The following GPC3 variants were observed in gnomAD, a reference collection of about 807,000 sequenced individuals.
GPC3 encodes the protein glypican 3, also known as glypican-3.
In GPC3, 3 loss-of-function variants were observed where a neutral mutation model predicts 34.4. That is an observed-to-expected ratio of 0.09 (90% CI 0.04 to 0.23). GPC3 has a LOEUF of 0.23. Ranked by LOEUF, GPC3 falls within the 10% of genes least tolerant of loss-of-function variation. GPC3 has a pLI of 1.00. For synonymous variants in GPC3, 177 were observed against 174.0 expected (o/e 1.02, Z -0.13); for missense variants, 351 against 445.6 (o/e 0.79, Z 1.91).
chrX:133,620,931 C>T (rs1222663813), intron 6 of GPC3, among the ~76,000 whole-genome samples: 2 of 111,538 alleles, frequency 1.8e-5, no homozygotes, highest in African/African-American at 6.5e-5. Flanking sequence ...TTAATTGATA[C>T]ATATCTCCCT....
At chrX:133,877,967 T>G (rs1011673772) in intron 2 of GPC3, among the ~76,000 whole-genome samples, 1 of 111,850 alleles carries the variant, frequency 8.9e-6, no homozygotes, top group Non-Finnish European at 1.9e-5. Context: ...TTTTATGTTT[T>G]TTTTTAATAT....
At chrX:133,885,912 C>CA (rs2076059807) in intron 2 of GPC3, among the ~76,000 whole-genome samples, 1 of 110,452 alleles carries the variant, frequency 9.1e-6, no homozygotes, top group East Asian at 2.8e-4. Flanking sequence ...CCATTTTAGA[C>CA]AAAAAATCAA....
chrX:133,798,821 G>A (rs2075594879), intron 2 of GPC3, among the ~76,000 whole-genome samples: 1 of 111,554 alleles, frequency 9.0e-6, no homozygotes, highest in South Asian at 3.8e-4. Context: ...TCTATCTGAA[G>A]TTTCCCTCAC....
intron 6 of GPC3, among the ~76,000 whole-genome samples, chrX:133,639,835 A>C (rs2070464652): frequency 9.0e-6 from 1 of 111,450 alleles, no homozygotes; most frequent in African/African-American, 3.3e-5. Flanking sequence ...TAGTGGATAG[A>C]TTATTTTTTG....
rs767701856 is a variant in GPC3 at position 133,753,840 on chromosome X, A to C, written c.674T>G (p.Val225Gly). The C allele has an allele frequency of 1.7e-6, 2 of 1,210,540 alleles. No homozygotes were observed. Among genetic ancestry groups the C allele is most frequent in the Non-Finnish European group, 2.2e-6 (2 of 894,497 alleles). Residue 225 changes from valine to glycine, a missense_variant, in exon 3 of 8, where the codon GTC (valine) becomes GGC (glycine). Transcript: ENST00000370818. ...IMTQVSKSLQ[V>G]TRIFLQALNL... ...CAGAGCCTGAAGGAAGATCCTAGTG[A>C]CTTGCAGTGACTTGGAAACCTGGGT...
intron 2 of GPC3, among the ~76,000 whole-genome samples, chrX:133,765,299 C>T (rs1041230499): frequency 1.3e-4 from 14 of 111,740 alleles, no homozygotes; most frequent in Non-Finnish European, 2.3e-4. Flanking sequence ...TTTTTAATAG[C>T]GTATCACCAT....
At chrX:133,820,465 A>G (rs2075713629) in intron 2 of GPC3, among the ~76,000 whole-genome samples, 1 of 111,766 alleles carries the variant, frequency 8.9e-6, no homozygotes, top group Non-Finnish European at 1.9e-5. Context: ...AGAAAATGTC[A>G]TGCTGGGACT....
chrX:133,813,165 C>G (rs946237380), intron 2 of GPC3, among the ~76,000 whole-genome samples: 1 of 112,462 alleles, frequency 8.9e-6, no homozygotes, highest in African/African-American at 3.2e-5. Context: ...TAAGGTTTTC[C>G]CCTTCTTGGC....
chrX:133,881,884 A>T (rs765388511), intron 2 of GPC3, among the ~76,000 whole-genome samples: 1 of 112,642 alleles, frequency 8.9e-6, no homozygotes, highest in African/African-American at 3.2e-5. Context: ...GCTTCTAAAG[A>T]TCTGCTGGTT....
At chrX:133,826,799 A>C (rs1203760806) in intron 2 of GPC3, among the ~76,000 whole-genome samples, 1 of 111,954 alleles carries the variant, frequency 8.9e-6, no homozygotes, top group Non-Finnish European at 1.9e-5. Context: ...GCAGCAAGAA[A>C]GAACTGATCC....
chrX:133,536,285 A>G lies in GPC3; in HGVS notation c.1582T>C (p.Tyr528His), dbSNP rs779769588. ...NQLRFLAELAYDLDVDDAPGN... is the reference protein window; with the variant it reads ...NQLRFLAELAHDLDVDDAPGN... ...GGCGCATCATCCACATCCAGATCAT[A>G]GGCCAGTTCTGTCAATCAAAAGAGA... The change falls in exon 8 of 8, where the codon TAT becomes CAT. Residue 528 changes from tyrosine (Y) to histidine (H), a missense_variant. Physicochemically the swap from Tyr to His is moderately conservative, Grantham distance 83. Transcript: ENST00000370818. 1 of 1,199,659 alleles carries G rather than the reference A, an allele frequency of 8.3e-7. No individual in the cohort carries two copies. The highest frequency in any genetic ancestry group is 2.2e-5 in the Admixed American group (1 of 45,979).
At chrX:133,822,424 G>GA (rs1426926963) in intron 2 of GPC3, among the ~76,000 whole-genome samples, 2 of 111,847 alleles carry the variant, frequency 1.8e-5, no homozygotes, top group African/African-American at 3.2e-5. Context: ...TAAGGAAAGA[G>GA]AAAAAAATCA....
intron 2 of GPC3, among the ~76,000 whole-genome samples, chrX:133,812,785 C>A (rs972016173): frequency 3.6e-5 from 4 of 112,245 alleles, no homozygotes; most frequent in African/African-American, 1.3e-4. Flanking sequence ...TCCCTGTGAG[C>A]CTCTCTCTGG....
rs1220902363 is a variant in GPC3, at chrX:133,985,330, G to C, written c.120C>G (p.Ser40=). Residue 40 remains serine, a synonymous_variant, in exon 1 of 8, where the codon TCC becomes TCG. Transcript: ENST00000370818. ...PPDATCHQVR[S]FFQRLQPGLK... The stretch of plus-strand genomic sequence containing the variant: ...GTCCGGGCTGCAGTCTCTGGAAGAA[G>C]GAGCGGACTTGGTGACAGGTGGCGT... 2.5e-6 allele frequency: 3 copies of C among 1,210,615 alleles called. No individual in the cohort carries two copies. The highest frequency in any genetic ancestry group is 3.4e-6 in the Non-Finnish European group (3 of 894,964).
intron 2 of GPC3, among the ~76,000 whole-genome samples, chrX:133,857,126 C>T (rs771400911): frequency 9.0e-6 from 1 of 111,332 alleles, no homozygotes; most frequent in Non-Finnish European, 1.9e-5. Context: ...CAGACGACTC[C>T]CAAATTTCTA....
chrX:133,541,514 A>G (rs1447342026), intron 7 of GPC3, among the ~76,000 whole-genome samples: 1 of 112,295 alleles, frequency 8.9e-6, no homozygotes, highest in Non-Finnish European at 1.9e-5. Flanking sequence ...TGCTAAATCC[A>G]AAAATCTGTT....
chrX:133,787,654 C>G (rs898950731), intron 2 of GPC3, among the ~76,000 whole-genome samples: 9 of 111,537 alleles, frequency 8.1e-5, no homozygotes, highest in Non-Finnish European at 1.7e-4. Context: ...CTATTCTGTT[C>G]TGTTCTGCTC....
chrX:133,845,649 T>G (rs2075844207), intron 2 of GPC3, among the ~76,000 whole-genome samples: 1 of 111,698 alleles, frequency 9.0e-6, no homozygotes, highest in Middle Eastern at 4.3e-3. Flanking sequence ...TTGTTAATGC[T>G]CATCAAAATA....
At chrX:133,569,489 T>C (rs2069607782) in intron 7 of GPC3, among the ~76,000 whole-genome samples, 1 of 111,707 alleles carries the variant, frequency 9.0e-6, no homozygotes, top group African/African-American at 3.3e-5. Context: ...TTAGAGGAAG[T>C]CCACTGCTAT....
Sources: allele counts gnomAD v4.1 joint callset (sites outside exome capture counted in the v4.1 genomes callset), GRCh38; gene constraint gnomAD v4.1.1; transcripts MANE v1.5; gene names NCBI Gene and HGNC (gene_info 2026-07-23, HGNC 2026-07-21).